The following PIGB variants were observed in gnomAD, a reference collection of about 807,000 sequenced individuals.
PIGB encodes phosphatidylinositol glycan anchor biosynthesis class B, also known as GPI alpha-1,2-mannosyltransferase 3.
PIGB carries 58 observed loss-of-function variants against 68.4 expected under a neutral mutation model. The observed-to-expected ratio is 0.85, with a 90% CI of 0.69 to 1.06. The LOEUF (loss-of-function observed/expected upper bound fraction) is 1.06. Among genes scored for constraint, PIGB ranks in the 50% least tolerant of loss-of-function variants. The pLI is 0.00. For synonymous variants in PIGB, 219 were observed against 220.5 expected (o/e 0.99, Z 0.06); for missense variants, 634 against 655.8 (o/e 0.97, Z 0.36).
chr15:55,350,505 T>C (rs1277742064), intron 9 of PIGB, 194 bp from the exon 10 acceptor site: 1 of 583,878 alleles, frequency 1.7e-6, no homozygotes. Flanking sequence ...CAATACCTTT[T>C]ACTAGAAAAA....
intron 11 of PIGB, 60 bp downstream of exon 11, chr15:55,355,038 A>C (rs2056043453): frequency 1.5e-6 from 2 of 1,356,116 alleles, no homozygotes; most frequent in East Asian, 4.9e-5. Context: ...GGTTTAGGAA[A>C]CCCTCAGGTA....
At chr15:55,325,842 G>A (rs1041482472) in intron 3 of PIGB, among the ~76,000 whole-genome samples, 1 of 151,974 alleles carries the variant, frequency 6.6e-6, no homozygotes, top group Admixed American at 6.6e-5. Context: ...CTTGAACCTG[G>A]GAGGCAGAGG....
In PIGB at chr15:55,325,326, A is replaced by G. The variant is rs142098369; in HGVS notation, c.418-2205A>G. Reference sequence around the variant, plus strand: ...GGATGACAGAGTGAGACTCTGTCTCACACACACACACACAAAATAAAAAAA... The same window carrying G: ...GGATGACAGAGTGAGACTCTGTCTCGCACACACACACACAAAATAAAAAAA... On this transcript the variant is annotated intron_variant, in intron 3 of 11. Coordinates refer to ENST00000164305, the MANE Select transcript of PIGB (RefSeq NM_004855.5). Among the ~76,000 whole-genome samples the G allele has an allele frequency of 1.3e-3, 199 of 151,780 alleles. 2 individuals are homozygous for G. Among genetic ancestry groups the G allele is most frequent in the African/African-American group, 4.6e-3 (191 of 41,402 alleles).
chr15:55,327,211 TATATATAA>T (rs2055310998), intron 3 of PIGB, among the ~76,000 whole-genome samples: 1 of 126,756 alleles, frequency 7.9e-6, no homozygotes, highest in African/African-American at 3.2e-5. Context: ...ATATCATATT[TATATATAA>T]ATATATATAT....
rs554741404 is a variant in PIGB, at chr15:55,329,938, G to A, written c.653+84G>A. ...TATCAACATATTGTAATGTCTAGTA[G>A]ACCCCCTAATTTTCATGAGTCATGA... is the stretch of plus-strand genomic sequence containing the variant. On this transcript the variant is annotated intron_variant, in intron 5 of 11. Coordinates refer to ENST00000164305, the MANE Select transcript of PIGB (RefSeq NM_004855.5). The A allele has an allele frequency of 6.5e-4, 626 of 968,492 alleles. 10 individuals carry two copies. In the South Asian group the frequency reaches 9.2e-3, roughly 14 times the overall value. 60.0% of individuals were successfully genotyped at this position (968,492 alleles called of 1,614,324 possible). A position where few individuals can be genotyped will look rare whatever the true frequency, so the allele number is the denominator to read the frequency against.
intron 2 of PIGB, 33 bp downstream of exon 2, chr15:55,320,443 G>C: frequency 4.4e-6 from 7 of 1,598,640 alleles, no homozygotes; most frequent in Non-Finnish European, 6.0e-6. Context: ...CAGACTATGA[G>C]TGTGTATTCA....
chr15:55,347,962 G>GT (rs1287280630), intron 9 of PIGB, among the ~76,000 whole-genome samples: 1 of 136,352 alleles, frequency 7.3e-6, no homozygotes, highest in Non-Finnish European at 1.6e-5. Flanking sequence ...CTATACTATT[G>GT]TATTCCTAGT....
rs576991463 is a variant in PIGB, at chr15:55,347,983, C to CTTTT, written c.1124-2695_1124-2692dup. ...TATTGTATTCCTAGTGCCATAGTTT[C>CTTTT]TTTTTTTTTTTTTTTTTTTTTTTTG... On this transcript the variant is annotated intron_variant, in intron 9 of 11. Transcript: ENST00000164305. Among the ~76,000 whole-genome samples the CTTTT allele has an allele frequency of 1.2e-3, 110 of 93,984 alleles. 1 individual carries two copies. The highest frequency in any genetic ancestry group is 2.8e-3 in the East Asian group (7 of 2,464). The allele number at this position is 93,984 out of a possible 152,430, so 61.7% of individuals were successfully genotyped here.
intron 3 of PIGB, among the ~76,000 whole-genome samples, 186 bp downstream of exon 3, chr15:55,321,576 C>A (rs771801513): frequency 1.3e-5 from 2 of 150,602 alleles, no homozygotes; most frequent in Non-Finnish European, 2.9e-5. Context: ...ATGAGGAATC[C>A]TGTTATGATG....
chr15:55,336,985 A>G (rs1031501052), intron 6 of PIGB, among the ~76,000 whole-genome samples: 4 of 152,202 alleles, frequency 2.6e-5, no homozygotes, highest in Admixed American at 2.6e-4. Flanking sequence ...GTGAGGCTCC[A>G]TCTCAAAAAT....
chr15:55,321,121 C>G, intron 2 of PIGB, 152 bp from the exon 3 acceptor site: 1 of 443,124 alleles, frequency 2.3e-6, no homozygotes, highest in East Asian at 3.6e-5. Flanking sequence ...TAGATTTTGC[C>G]AGGTGAAGTG....
intron 2 of PIGB, among the ~76,000 whole-genome samples, chr15:55,320,619 GT>G (rs939055806): frequency 6.6e-6 from 1 of 152,096 alleles, no homozygotes; most frequent in Non-Finnish European, 1.5e-5. Context: ...TTATGATAAA[GT>G]TTATACAAAT....
At chr15:55,326,588 C>T (rs528948151) in intron 3 of PIGB, among the ~76,000 whole-genome samples, 9 of 152,198 alleles carry the variant, frequency 5.9e-5, no homozygotes, top group Admixed American at 3.3e-4. Context: ...GAAACTTGGC[C>T]GAGCACGGTG....
rs182425933 is a variant in PIGB at position 55,354,840 on chromosome 15, G to A, written c.1380G>A (p.Pro460=). The change falls in exon 11 of 12, where the codon CCG becomes CCA. Residue 460 remains proline, a synonymous_variant. Transcript: ENST00000164305. The stretch of plus-strand genomic sequence containing the variant: ...TTCCCATGAGATTTCTCCAGTGCCC[G>A]CCAGACCTGACTGGAAAAAGTCATT... ...CPLPMRFLQC[P]PDLTGKSHYL... 1.2e-4 allele frequency: 199 copies of A among 1,613,412 alleles called. 1 individual carries two copies. The East Asian group carries it at 3.5e-3, about 28-fold the overall frequency.
chr15:55,337,421 C>T (rs1292354921), intron 6 of PIGB, among the ~76,000 whole-genome samples: 1 of 152,240 alleles, frequency 6.6e-6, no homozygotes, highest in Admixed American at 6.5e-5. Flanking sequence ...GCAAGCATTA[C>T]TGCCTGAGCT....
At chr15:55,355,179 A>T in intron 11 of PIGB, 107 bp from the exon 12 acceptor site, 1 of 988,306 alleles carries the variant, frequency 1.0e-6, no homozygotes, top group Non-Finnish European at 1.5e-6. Context: ...TTCTTTTATT[A>T]AGCAAAAAGT....
At chr15:55,355,262 A>C (rs1046019122) in intron 11 of PIGB, 24 bp from the exon 12 acceptor site, 1 of 1,576,342 alleles carries the variant, frequency 6.3e-7, no homozygotes, top group Non-Finnish European at 8.7e-7. Flanking sequence ...GCCTTTATTT[A>C]CTTAAACATT....
At chr15:55,341,648 A>G (rs911145763) in intron 8 of PIGB, 90 bp from the exon 9 acceptor site, 8 of 429,644 alleles carry the variant, frequency 1.9e-5, no homozygotes, top group Non-Finnish European at 3.1e-5. Flanking sequence ...AGATCAAGTT[A>G]AATATATTTT....
intron 3 of PIGB, 68 bp downstream of exon 3, chr15:55,321,458 G>C (rs1366602180): frequency 7.4e-7 from 1 of 1,349,704 alleles, no homozygotes; most frequent in African/African-American, 1.5e-5. Context: ...GGCTACTGTT[G>C]CTGAAGTCCA....
Sources: gnomAD v4.1 joint callset for allele counts (sites outside exome capture counted in the v4.1 genomes callset) on GRCh38, gnomAD v4.1.1 for gene constraint, MANE v1.5 for transcripts, NCBI Gene and HGNC (gene_info 2026-07-23, HGNC 2026-07-21) for gene names.